NPAS2: variants seen among roughly 807,000 people sequenced by gnomAD.
NPAS2 encodes neuronal PAS domain protein 2, also known as neuronal PAS domain-containing protein 2.
In NPAS2, 23 loss-of-function variants were observed where a neutral mutation model predicts 107.5. The ratio of observed to expected loss-of-function variants is 0.21; its 90% CI spans 0.15 to 0.30. The LOEUF (loss-of-function observed/expected upper bound fraction) is 0.30. Ranked by LOEUF, NPAS2 falls within the 10% of genes least tolerant of loss-of-function variation. NPAS2 has a pLI of 1.00. For synonymous variants in NPAS2, 403 were observed against 417.5 expected (o/e 0.97, Z 0.42); for missense variants, 756 against 1,043.3 (o/e 0.72, Z 3.79).
At chr2:100,930,925 G>A (rs547654484) in intron 3 of NPAS2, among the ~76,000 whole-genome samples, 6 of 152,210 alleles carry the variant, frequency 3.9e-5, no homozygotes, top group South Asian at 4.1e-4. Context: ...ACAGATGAGT[G>A]TGCATATTGG....
chr2:100,847,436 C>T (rs1677845682), intron 1 of NPAS2, among the ~76,000 whole-genome samples: 1 of 151,876 alleles, frequency 6.6e-6, no homozygotes. Flanking sequence ...GTGGTGTGAT[C>T]TCAGCTCACT....
At chr2:100,841,828 A>G (rs1677424524) in intron 1 of NPAS2, among the ~76,000 whole-genome samples, 1 of 152,196 alleles carries the variant, frequency 6.6e-6, no homozygotes, top group Non-Finnish European at 1.5e-5. Context: ...ACAGAAAGAC[A>G]CATACATATG....
chr2:100,897,626 A>G (rs1054257314), intron 1 of NPAS2, among the ~76,000 whole-genome samples: 1 of 152,098 alleles, frequency 6.6e-6, no homozygotes, highest in Non-Finnish European at 1.5e-5. Flanking sequence ...CTCACATAGC[A>G]TCTCATCAAG....
intron 1 of NPAS2, among the ~76,000 whole-genome samples, chr2:100,890,329 C>T (rs564532438): frequency 5.9e-5 from 9 of 152,314 alleles, no homozygotes; most frequent in East Asian, 5.8e-4. Flanking sequence ...TCATCTCTGA[C>T]TATAGGGACA....
chr2:100,950,943 A>G (rs1283916183), intron 7 of NPAS2, among the ~76,000 whole-genome samples: 2 of 152,226 alleles, frequency 1.3e-5, no homozygotes, highest in Non-Finnish European at 2.9e-5. Context: ...TGGGCTACTC[A>G]GTTAAAGAAA....
At chr2:100,961,384 GC>G (rs1359200081) in intron 7 of NPAS2, among the ~76,000 whole-genome samples, 1 of 152,046 alleles carries the variant, frequency 6.6e-6, no homozygotes, top group Non-Finnish European at 1.5e-5. Context: ...TTTCTCCTTG[GC>G]CTCTATTAAA....
intron 1 of NPAS2, among the ~76,000 whole-genome samples, chr2:100,878,998 A>G (rs1680156664): frequency 6.6e-6 from 1 of 152,134 alleles, no homozygotes; most frequent in Non-Finnish European, 1.5e-5. Context: ...CATACAATGT[A>G]ATCTCAGCTA....
intron 1 of NPAS2, among the ~76,000 whole-genome samples, chr2:100,873,984 T>C (rs1322488772): frequency 6.8e-6 from 1 of 148,120 alleles, no homozygotes; most frequent in Non-Finnish European, 1.5e-5. Context: ...TTTTTTTGTT[T>C]TTTGTTTTTT....
At position 100,965,102 on chromosome 2, in the gene NPAS2, C is replaced by G. The variant is rs1046947952; in HGVS notation, c.800+159C>G. Among the ~76,000 whole-genome samples the G allele has an allele frequency of 3.3e-5, 5 of 152,158 alleles. No individual in the cohort carries two copies. The highest frequency in any genetic ancestry group is 1.2e-4 in the African/African-American group (5 of 41,436). The stretch of plus-strand genomic sequence containing the variant: ...GTCCCTGCCAAGGGTGGGTGGTTTC[C>G]CTCCAACTTCATCTGCCCCATCGTG... On this transcript the variant is annotated intron_variant, in intron 9 of 20. Coordinates refer to ENST00000335681, the MANE Select transcript of NPAS2 (RefSeq NM_002518.4). The surrounding 1 kb of genome is among the most constrained non-coding windows in gnomAD (Gnocchi z 4.3).
At chr2:100,895,536 C>T (rs1681356468) in intron 1 of NPAS2, among the ~76,000 whole-genome samples, 1 of 152,218 alleles carries the variant, frequency 6.6e-6, no homozygotes, top group African/African-American at 2.4e-5. Flanking sequence ...ACTCTGACAC[C>T]CAGTGTGCCC....
intron 1 of NPAS2, among the ~76,000 whole-genome samples, chr2:100,846,234 A>G (rs755210215): frequency 1.3e-4 from 20 of 152,252 alleles, no homozygotes; most frequent in Non-Finnish European, 2.9e-4. Flanking sequence ...TTGGTAGTCA[A>G]GGGAGACACT....
intron 1 of NPAS2, among the ~76,000 whole-genome samples, chr2:100,867,054 T>C (rs1679298753): frequency 6.6e-6 from 1 of 152,246 alleles, no homozygotes; most frequent in African/African-American, 2.4e-5. Context: ...TTGAAGTGGA[T>C]GCTCCAAATC....
intron 8 of NPAS2, 80 bp downstream of exon 8, chr2:100,964,256 T>G: frequency 1.0e-6 from 1 of 969,222 alleles, no homozygotes; most frequent in Non-Finnish European, 1.7e-6. Context: ...AATGGTCTTT[T>G]GGGAGGGAAT....
intron 1 of NPAS2, among the ~76,000 whole-genome samples, chr2:100,877,762 AGCTTG>A (rs748530258): frequency 6.6e-6 from 1 of 152,160 alleles, no homozygotes; most frequent in Non-Finnish European, 1.5e-5. Context: ...TCACCGAAGC[AGCTTG>A]GCTTGGCATC....
In NPAS2 at chr2:100,953,076, C is replaced by A. The variant is rs1200907975; in HGVS notation, c.598+3596C>A. On this transcript the variant is annotated intron_variant, in intron 7 of 20. Transcript: ENST00000335681. ...AATTGTCAGAGACAAATGAATTTCTCAGGTTAAACCCTATAAAGGCCAGAT... is the reference window on the plus strand; with the variant it reads ...AATTGTCAGAGACAAATGAATTTCTAAGGTTAAACCCTATAAAGGCCAGAT... Among the ~76,000 whole-genome samples, 2 of 134,010 alleles carry A rather than the reference C, an allele frequency of 1.5e-5. 1 individual carries two copies. Among genetic ancestry groups the A allele is most frequent in the African/African-American group, 5.7e-5 (2 of 35,164 alleles). The allele number at this position is 134,010 out of a possible 152,430, so 87.9% of individuals were successfully genotyped here. A position where few individuals can be genotyped will look rare whatever the true frequency, so the allele number is the denominator to read the frequency against.
In NPAS2 at chr2:100,891,597, A is replaced by C. The variant is rs78016109; in HGVS notation, c.-22-13136A>C. Reference sequence around the variant, plus strand: ...ATCATGCCCAGGCTCCAAGGCCACCACACAAGTGAAGGCAAGAGCACTGAG... The same window carrying C: ...ATCATGCCCAGGCTCCAAGGCCACCCCACAAGTGAAGGCAAGAGCACTGAG... On this transcript the variant is annotated intron_variant, in intron 1 of 20. Coordinates refer to ENST00000335681, the MANE Select transcript of NPAS2 (RefSeq NM_002518.4). 1.4e-3 allele frequency among the ~76,000 whole-genome samples: 213 copies of C among 152,350 alleles called. 1 individual carries two copies. The East Asian group carries it at 0.03, about 22-fold the overall frequency.
rs893064099 is a variant in NPAS2 at position 100,990,667 on chromosome 2, G to A, written c.2019-113G>A. 144 of 1,093,438 alleles carry A rather than the reference G, an allele frequency of 1.3e-4. 3 individuals carry two copies. The South Asian group carries it at 1.9e-3, about 14-fold the overall frequency. 67.7% of individuals were successfully genotyped at this position (1,093,438 alleles called of 1,614,324 possible). ...CTCAGAGAATGAAGCCAGGAGAGTG[G>A]GGATTAGAGTCAACCATAAAGGGTC... On this transcript the variant is annotated intron_variant, in intron 18 of 20. Transcript: ENST00000335681.
intron 7 of NPAS2, among the ~76,000 whole-genome samples, chr2:100,952,759 C>CT (rs779617503): frequency 0.02 from 2,723 of 137,436 alleles, 52 homozygotes; most frequent in Non-Finnish European, 0.022. Context: ...ATACCTGGGA[C>CT]TTTTTTTTTT....
chr2:100,885,250 G>A (rs564774553), intron 1 of NPAS2, among the ~76,000 whole-genome samples: 3 of 152,152 alleles, frequency 2.0e-5, no homozygotes, highest in South Asian at 2.1e-4. Context: ...GCGCCCAGCC[G>A]ATCCTTTGTA....
Sources: gnomAD v4.1 joint callset for allele counts (sites outside exome capture counted in the v4.1 genomes callset) on GRCh38, gnomAD v4.1.1 for gene constraint, Gnocchi (gnomAD v3.1) non-coding constraint, MANE v1.5 for transcripts, NCBI Gene and HGNC (gene_info 2026-07-23, HGNC 2026-07-21) for gene names.